The following PTPN23 variants were observed in gnomAD, a reference collection of about 807,000 sequenced individuals.
PTPN23 encodes the protein tyrosine-protein phosphatase non-receptor type 23.
A neutral mutation model predicts 156.3 loss-of-function variants in PTPN23; 72 were observed. The ratio of observed to expected loss-of-function variants is 0.46; its 90% confidence interval spans 0.38 to 0.56. PTPN23 has a LOEUF of 0.56. Among genes scored for constraint, PTPN23 ranks in the 20% least tolerant of loss-of-function variants. The pLI is 0.00. For missense variants in PTPN23, 1,974 were observed against 2,171.5 expected, an observed-to-expected ratio of 0.91 and a Z score of 1.81; for synonymous variants, 957 against 899.6, an observed-to-expected ratio of 1.06 and a Z score of -1.14.
intron 2 of PTPN23, among the ~76,000 whole-genome samples, chr3:47,401,312 CT>C (rs1404204978): frequency 1.3e-5 from 2 of 152,138 alleles, no homozygotes; most frequent in Non-Finnish European, 2.9e-5. Context: ...ACTTCTCCCC[CT>C]TCCCAAGCCT....
intron 2 of PTPN23, among the ~76,000 whole-genome samples, chr3:47,399,369 T>C (rs1201972241): frequency 7.2e-5 from 11 of 152,178 alleles, no homozygotes; most frequent in Admixed American, 6.5e-4. Flanking sequence ...AGTCAGATTC[T>C]GCCAGTGCAG....
Position 47,405,523 on chromosome 3 carries a change from G to A in PTPN23, c.365-226G>A, listed in dbSNP as rs1197307360. ...CTGAAGCTTCAAGATTGGACCCCTTGGACAGGAGCCCTTCCATCCTCTGCC... is the reference window on the plus strand; with the variant it reads ...CTGAAGCTTCAAGATTGGACCCCTTAGACAGGAGCCCTTCCATCCTCTGCC... On this transcript the variant is annotated intron_variant, in intron 4 of 24. Coordinates refer to ENST00000265562, the MANE Select transcript of PTPN23 (RefSeq NM_015466.4). This position sits in a 1 kb window ranked among gnomAD's most constrained non-coding sequence, Gnocchi z 4.7. 1.0e-5 allele frequency: 6 copies of A among 584,730 alleles called. No individual in the cohort carries two copies. Among genetic ancestry groups the A allele is most frequent in the Non-Finnish European group, 1.8e-5 (6 of 331,546 alleles). The allele number at this position is 584,730 out of a possible 1,614,324, so 36.2% of individuals were successfully genotyped here.
In PTPN23 at chr3:47,409,012, G is replaced by A. The variant is rs770931066; in HGVS notation, c.1567G>A (p.Val523Ile). ...GCTGCACCGTGCCATGAACCTGCAC[G>A]TCGGCAACCTGCGCCTGCTCAGCGG... ...SELHRAMNLH[V>I]GNLRLLSGPL... The change falls in exon 16 of 25, where the codon GTC becomes ATC. Residue 523 changes from valine (V) to isoleucine (I), a missense_variant. Physicochemically the swap from Val to Ile is conservative, Grantham distance 29. This residue lies in a region of PTPN23 where 726 missense variants were observed against 929.5 expected (regional missense o/e 0.78). Transcript: ENST00000265562. The A allele has an allele frequency of 7.4e-6, 12 of 1,614,084 alleles. No individual in the cohort carries two copies. The highest frequency in any genetic ancestry group is 1.3e-5 in the African/African-American group (1 of 75,044).
rs776416631 is a variant in PTPN23 at position 47,406,299 on chromosome 3, G to A, written c.547-26G>A. 3 of 1,612,214 alleles carry A rather than the reference G, an allele frequency of 1.9e-6. No homozygotes were observed. The highest frequency in any genetic ancestry group is 4.5e-5 in the East Asian group (2 of 44,882). ...AAGCGGGAGGCCTTGGGTGAGCGAG[G>A]GAGTGCACCTCACGTGTCGCCCCAG... On this transcript the variant is annotated intron_variant, in intron 6 of 24. Coordinates refer to ENST00000265562, the MANE Select transcript of PTPN23 (RefSeq NM_015466.4). This position sits in a 1 kb window ranked among gnomAD's most constrained non-coding sequence, Gnocchi z 5.8.
At chr3:47,395,547 G>A (rs962212882) in intron 1 of PTPN23, among the ~76,000 whole-genome samples, 5 of 152,166 alleles carry the variant, frequency 3.3e-5, no homozygotes, top group Non-Finnish European at 4.4e-5. Flanking sequence ...GCACTCCAGT[G>A]CTCTCTCTGA....
chr3:47,409,867 G>A lies in PTPN23; in HGVS notation c.2129+33G>A, dbSNP rs765274643. The A allele has an allele frequency of 3.1e-6, 5 of 1,595,040 alleles. No individual in the cohort carries two copies. The East Asian group carries it at 6.8e-5, about 22-fold the overall frequency. On this transcript the variant is annotated intron_variant, in intron 19 of 24. Coordinates refer to ENST00000265562, the MANE Select transcript of PTPN23 (RefSeq NM_015466.4). ...TGGCCCTGGGGCTGTGGTGCGGCTC[G>A]GGTCCAGACAGGCTGGGGTGATGGG...
rs1175132666 is a variant in PTPN23, at chr3:47,412,307, C to G, written c.4203C>G (p.Ala1401=). 2.5e-6 allele frequency: 4 copies of G among 1,613,318 alleles called. No individual in the cohort carries two copies. In the African/African-American group the frequency reaches 5.3e-5, roughly 22 times the overall value. The change falls in exon 23 of 25, where the codon GCC becomes GCG. Residue 1401 remains alanine (A), a synonymous_variant. Coordinates refer to ENST00000265562, the MANE Select transcript of PTPN23 (RefSeq NM_015466.4). ...HCSSGVGRTG[A]FALLYAAVQE... ...GCTCTGGTGTGGGCCGCACGGGAGC[C>G]TTTGCACTGCTCTATGCAGCTGTGC...
Position 47,410,390 on chromosome 3 carries a change from A to C in PTPN23, c.2592A>C (p.Pro864=), listed in dbSNP as rs760743484. 6.2e-7 allele frequency: 1 copy of C among 1,609,822 alleles called. No homozygotes were observed. Among genetic ancestry groups the C allele is most frequent in the Non-Finnish European group, 8.5e-7 (1 of 1,178,720 alleles). The change falls in exon 20 of 25, where the codon CCA becomes CCC. Residue 864 remains proline (P), a synonymous_variant. Transcript: ENST00000265562. ...APPVAGLPSA[P]PPQFSGPELA... ...CAGTTGCAGGTCTCCCCTCGGCCCC[A>C]CCTCCTCAATTCTCAGGCCCCGAGT...
Position 47,407,026 on chromosome 3 carries a change from G to A in PTPN23, c.808-104G>A. ...CTGGGGTGGTGCCCGGCTGCCTCCT[G>A]AGCTGCTTGTCATCTGATGGACAGG... On this transcript the variant is annotated intron_variant, in intron 9 of 24. Coordinates refer to ENST00000265562, the MANE Select transcript of PTPN23 (RefSeq NM_015466.4). The surrounding 1 kb of genome is among the most constrained non-coding windows in gnomAD (Gnocchi z 4.0). 2.7e-6 allele frequency: 4 copies of A among 1,478,900 alleles called. No individual in the cohort carries two copies. Among genetic ancestry groups the A allele is most frequent in the Non-Finnish European group, 3.7e-6 (4 of 1,070,774 alleles). 91.6% of individuals were successfully genotyped at this position (1,478,900 alleles called of 1,614,324 possible). A position where few individuals can be genotyped will look rare whatever the true frequency, so the allele number is the denominator to read the frequency against.
intron 2 of PTPN23, among the ~76,000 whole-genome samples, chr3:47,400,863 A>G (rs1704979584): frequency 6.6e-6 from 1 of 150,606 alleles, no homozygotes. Context: ...TGTGAGCCAC[A>G]GCACCCGGCT....
Position 47,406,497 on chromosome 3 carries a change from A to G in PTPN23, c.644A>G (p.Lys215Arg). 2 of 1,613,998 alleles carry G rather than the reference A, an allele frequency of 1.2e-6. No individual in the cohort carries two copies. The highest frequency in any genetic ancestry group is 1.7e-6 in the Non-Finnish European group (2 of 1,180,004). Residue 215 changes from lysine (K) to arginine (R), a missense_variant, in exon 8 of 25, where the codon AAG (lysine) becomes AGG (arginine). This residue lies in a region of PTPN23 where 726 missense variants were observed against 929.5 expected (regional missense o/e 0.78). Transcript: ENST00000265562. The surrounding 1 kb of genome is among the most constrained non-coding windows in gnomAD (Gnocchi z 5.8). ...RISAQVVDYY[K>R]EACRALENPD... Reference sequence around the variant, plus strand: ...TGTTCTCAGGTGGTAGATTACTACAAGGAGGCATGCCGGGCCTTGGAGAAC... The same window carrying G: ...TGTTCTCAGGTGGTAGATTACTACAGGGAGGCATGCCGGGCCTTGGAGAAC...
In PTPN23 at chr3:47,405,639, T is replaced by A; in HGVS notation, c.365-110T>A. On this transcript the variant is annotated intron_variant, in intron 4 of 24. Coordinates refer to ENST00000265562, the MANE Select transcript of PTPN23 (RefSeq NM_015466.4). This position sits in a 1 kb window ranked among gnomAD's most constrained non-coding sequence, Gnocchi z 4.7. ...GTGTCCTTGGACTCGTTGCCCTGGTTCTCAGAGCCATGTTGTCCTGATTGT... is the reference window on the plus strand; with the variant it reads ...GTGTCCTTGGACTCGTTGCCCTGGTACTCAGAGCCATGTTGTCCTGATTGT... 1 of 1,166,028 alleles carries A rather than the reference T, an allele frequency of 8.6e-7. No homozygotes were observed. Among genetic ancestry groups the A allele is most frequent in the South Asian group, 1.4e-5 (1 of 70,782 alleles). 72.2% of individuals were successfully genotyped at this position (1,166,028 alleles called of 1,614,324 possible).
At chr3:47,404,917 C>T (rs928435958) in intron 3 of PTPN23, 88 bp from the exon 4 acceptor site, 22 of 1,588,688 alleles carry the variant, frequency 1.4e-5, no homozygotes, top group Non-Finnish European at 1.9e-5. Context: ...TCCCCACATC[C>T]CCACAATGGG....
At position 47,412,088 on chromosome 3, in the gene PTPN23, CCA is replaced by C; in HGVS notation, c.4074-3_4074-2del. The C allele has an allele frequency of 6.2e-7, 1 of 1,612,952 alleles. No individual in the cohort carries two copies. The highest frequency in any genetic ancestry group is 8.5e-7 in the Non-Finnish European group (1 of 1,179,958). On this transcript the variant is annotated splice_region_variant and splice_polypyrimidine_tract_variant and intron_variant, in intron 21 of 24. Coordinates refer to ENST00000265562, the MANE Select transcript of PTPN23 (RefSeq NM_015466.4). ...AGGCTCTTCCTGGCCCCATCCTGTC[CCA>C]CAGAGGCCTGCCCGACAGCCCCAGC... is the stretch of plus-strand genomic sequence containing the variant.
chr3:47,406,239 TCA>T lies in PTPN23; in HGVS notation c.547-85_547-84del, dbSNP rs1705119957. Reference sequence around the variant, plus strand: ...GGAGAGGGCAGTGAAGAGGGATCCCTCAGTCTGCCCCTGGGGAAGGATAAAGG... The same window carrying T: ...GGAGAGGGCAGTGAAGAGGGATCCCTGTCTGCCCCTGGGGAAGGATAAAGG... On this transcript the variant is annotated intron_variant, in intron 6 of 24. Coordinates refer to ENST00000265562, the MANE Select transcript of PTPN23 (RefSeq NM_015466.4). The surrounding 1 kb of genome is among the most constrained non-coding windows in gnomAD (Gnocchi z 5.8). 6.6e-7 allele frequency: 1 copy of T among 1,519,638 alleles called. No homozygotes were observed. Among genetic ancestry groups the T allele is most frequent in the African/African-American group, 1.4e-5 (1 of 72,672 alleles). 94.1% of individuals were successfully genotyped at this position (1,519,638 alleles called of 1,614,324 possible). A position where few individuals can be genotyped will look rare whatever the true frequency, so the allele number is the denominator to read the frequency against.
intron 1 of PTPN23, among the ~76,000 whole-genome samples, chr3:47,394,769 G>A (rs1019452986): frequency 1.1e-4 from 16 of 152,178 alleles, no homozygotes; most frequent in Non-Finnish European, 1.5e-4. Context: ...CCTGAGATAA[G>A]CATGTTTTGG....
chr3:47,394,813 A>C (rs1424072227), intron 1 of PTPN23, among the ~76,000 whole-genome samples: 1 of 152,172 alleles, frequency 6.6e-6, no homozygotes, highest in African/African-American at 2.4e-5. Context: ...TGTGTGTTTC[A>C]GAAGGATTTA....
intron 15 of PTPN23, 81 bp from the exon 16 acceptor site, chr3:47,408,695 C>CGGTTCTGTCTCTTGGGGGA (rs1185343762): frequency 3.3e-6 from 5 of 1,497,910 alleles, no homozygotes; most frequent in Non-Finnish European, 3.6e-6. Flanking sequence ...CCTGAGGGGG[C>CGGTTCTGTCTCTTGGGGGA]GGTTCTGTCT....
chr3:47,399,114 G>A (rs1704941029), intron 2 of PTPN23, among the ~76,000 whole-genome samples: 1 of 152,228 alleles, frequency 6.6e-6, no homozygotes, highest in South Asian at 2.1e-4. Context: ...TAGTGGAGGA[G>A]CTGCCTCTTT....
Sources: allele counts gnomAD v4.1 joint callset (sites outside exome capture counted in the v4.1 genomes callset), GRCh38; gene constraint gnomAD v4.1.1; regional missense constraint gnomAD v4.1.1; non-coding constraint Gnocchi (gnomAD v3.1); transcripts MANE v1.5; gene names NCBI Gene and HGNC (gene_info 2026-07-23, HGNC 2026-07-21).